The following FRMPD4 variants were observed in gnomAD, a reference collection of about 807,000 sequenced individuals.
The protein encoded by FRMPD4 is FERM and PDZ domain-containing protein 4.
A neutral mutation model predicts 94.1 loss-of-function variants in FRMPD4; 22 were observed. The ratio of observed to expected loss-of-function variants is 0.23; its 90% CI spans 0.17 to 0.33. The LOEUF (loss-of-function observed/expected upper bound fraction) is 0.33, where lower values mean the gene tolerates loss of function less well. Ranked by LOEUF, FRMPD4 falls within the 10% of genes least tolerant of loss-of-function variation. The pLI is 1.00. For synonymous variants in FRMPD4, 631 were observed against 548.6 expected, an observed-to-expected ratio of 1.15 and a Z score of -2.10; for missense variants, 1,111 against 1,339.9, an observed-to-expected ratio of 0.83 and a Z score of 2.67.
intron 1 of FRMPD4, among the ~76,000 whole-genome samples, chrX:12,428,282 T>C (rs911398011): frequency 8.9e-6 from 1 of 111,774 alleles, no homozygotes; most frequent in Non-Finnish European, 1.9e-5. Flanking sequence ...TATGATTATA[T>C]TTCCTTTCTT....
At chrX:12,297,357 C>CT (rs1442419441) in intron 1 of FRMPD4, among the ~76,000 whole-genome samples, 1 of 112,141 alleles carries the variant, frequency 8.9e-6, no homozygotes, top group Non-Finnish European at 1.9e-5. Context: ...GTTGGGAAGT[C>CT]TAAGGTTGAG....
At chrX:12,555,263 A>G (rs1323378656) in intron 2 of FRMPD4, among the ~76,000 whole-genome samples, 1 of 110,937 alleles carries the variant, frequency 9.0e-6, no homozygotes, top group East Asian at 2.8e-4. Flanking sequence ...GTCAGGGTGG[A>G]TTTCTGGCCC....
chrX:12,147,755 G>A (rs2055790407), intron 1 of FRMPD4, among the ~76,000 whole-genome samples: 1 of 111,843 alleles, frequency 8.9e-6, no homozygotes, highest in South Asian at 3.8e-4. Context: ...TCCACATCAA[G>A]CAATCTGTCA....
At chrX:12,265,885 T>C (rs755619356) in intron 1 of FRMPD4, among the ~76,000 whole-genome samples, 2 of 109,023 alleles carry the variant, frequency 1.8e-5, no homozygotes, top group Non-Finnish European at 3.8e-5. Context: ...TCCCAGCACT[T>C]TGGGAGGCCG....
intron 3 of FRMPD4, among the ~76,000 whole-genome samples, chrX:12,039,194 G>T (rs1251213967): frequency 9.3e-6 from 1 of 107,733 alleles, no homozygotes; most frequent in Non-Finnish European, 1.9e-5. Context: ...TTTTATTTTT[G>T]CATTTAATTT....
Position 12,448,627 on chromosome X carries a change from T to C in FRMPD4, c.42-50053T>C, listed in dbSNP as rs946511468. On this transcript the variant is annotated intron_variant, in intron 1 of 16. Coordinates refer to ENST00000675598, the MANE Select transcript of FRMPD4 (RefSeq NM_001368397.1). ...TTATCCAGGCAAATGGGTTTGTTTT[T>C]TTGTGCAAGGAAGACTAATAGGAAT... is the stretch of plus-strand genomic sequence containing the variant. Among the ~76,000 whole-genome samples the C allele has an allele frequency of 4.0e-4, 45 of 112,590 alleles. 1 individual carries two copies. The Admixed American group carries it at 4.1e-3, about 10-fold the overall frequency.
At chrX:12,606,260 AGAG>A (rs2059131349) in intron 2 of FRMPD4, among the ~76,000 whole-genome samples, 1 of 112,051 alleles carries the variant, frequency 8.9e-6, no homozygotes, top group African/African-American at 3.2e-5. Context: ...AATGGTTGCT[AGAG>A]GAGATAATCA....
chrX:12,081,306 C>T (rs1454894992), intron 3 of FRMPD4, among the ~76,000 whole-genome samples: 2 of 111,920 alleles, frequency 1.8e-5, no homozygotes, highest in Non-Finnish European at 3.8e-5. Context: ...TTTCAACTCA[C>T]ATTTTCCCAT....
intron 1 of FRMPD4, among the ~76,000 whole-genome samples, chrX:12,389,416 A>T (rs1474045042): frequency 1.8e-5 from 2 of 108,363 alleles, no homozygotes; most frequent in Non-Finnish European, 3.8e-5. Context: ...TGGAAATTGC[A>T]GTGAGCTGAG....
intron 3 of FRMPD4, among the ~76,000 whole-genome samples, chrX:12,056,654 G>C (rs1035551272): frequency 2.7e-5 from 3 of 111,150 alleles, no homozygotes; most frequent in Non-Finnish European, 5.7e-5. Flanking sequence ...CATTTTTGGG[G>C]TATTGTTTTC....
intron 1 of FRMPD4, among the ~76,000 whole-genome samples, chrX:12,415,580 C>T (rs913872119): frequency 1.8e-5 from 2 of 111,792 alleles, no homozygotes; most frequent in African/African-American, 6.5e-5. Context: ...GATTGATTCA[C>T]AAGGCTCTCA....
chrX:12,208,651 A>C (rs1410244219), intron 1 of FRMPD4, among the ~76,000 whole-genome samples: 1 of 112,219 alleles, frequency 8.9e-6, no homozygotes, highest in Non-Finnish European at 1.9e-5. Flanking sequence ...TTCCTCCTTT[A>C]AATCATATAA....
At chrX:12,647,901 C>T (rs1456507424) in intron 4 of FRMPD4, among the ~76,000 whole-genome samples, 1 of 111,603 alleles carries the variant, frequency 9.0e-6, no homozygotes, top group Non-Finnish European at 1.9e-5. Context: ...AATTTCATGC[C>T]ATTCCTTACA....
At chrX:12,665,119 AGTCT>A (rs1350240936) in intron 4 of FRMPD4, among the ~76,000 whole-genome samples, 5 of 110,110 alleles carry the variant, frequency 4.5e-5, no homozygotes, top group Non-Finnish European at 7.6e-5. Context: ...TCTGGCCAGC[AGTCT>A]GTCTATTTTG....
chrX:12,380,248 G>A (rs1343104266), intron 1 of FRMPD4, among the ~76,000 whole-genome samples: 1 of 112,012 alleles, frequency 8.9e-6, no homozygotes, highest in East Asian at 2.8e-4. Context: ...TAAATATGCA[G>A]TTGATGGCAA....
chrX:12,089,908 C>T (rs1412292624), intron 3 of FRMPD4, among the ~76,000 whole-genome samples: 1 of 111,599 alleles, frequency 9.0e-6, no homozygotes, highest in Admixed American at 9.5e-5. Context: ...CAGGCAACCA[C>T]CTGAGTGGCA....
At chrX:12,114,821 T>C (rs2055394488) in intron 3 of FRMPD4, among the ~76,000 whole-genome samples, 1 of 112,764 alleles carries the variant, frequency 8.9e-6, no homozygotes, top group African/African-American at 3.2e-5. Context: ...ACTTTTTAAA[T>C]GTAATCTTAA....
intron 1 of FRMPD4, among the ~76,000 whole-genome samples, chrX:12,263,771 C>CCA (rs2147831561): frequency 9.1e-6 from 1 of 109,764 alleles, no homozygotes; most frequent in Non-Finnish European, 1.9e-5. Flanking sequence ...TAACAGAATA[C>CCA]CACAGACTGC....
chrX:12,662,310 T>G (rs1191565357), intron 4 of FRMPD4, among the ~76,000 whole-genome samples: 3 of 110,710 alleles, frequency 2.7e-5, no homozygotes, highest in African/African-American at 9.9e-5. Context: ...CATCAACCCA[T>G]CGCCTATATT....
Sources: gnomAD v4.1 joint callset for allele counts (sites outside exome capture counted in the v4.1 genomes callset) on GRCh38, gnomAD v4.1.1 for gene constraint, MANE v1.5 for transcripts, NCBI Gene and HGNC (gene_info 2026-07-23, HGNC 2026-07-21) for gene names.